The following KCNIP3 variants were observed in gnomAD, a reference collection of about 807,000 sequenced individuals.
KCNIP3 encodes the protein potassium voltage-gated channel interacting protein 3.
A neutral mutation model predicts 35.0 loss-of-function variants in KCNIP3; 28 were observed. The observed-to-expected ratio is 0.80, with a 90% CI of 0.59 to 1.10. The LOEUF is 1.10. Among genes scored for constraint, KCNIP3 ranks in the 50% least tolerant of loss-of-function variants. KCNIP3 has a pLI of 0.00. For synonymous variants in KCNIP3, 134 were observed against 133.8 expected (o/e 1.00, Z -0.01); for missense variants, 295 against 338.4 (o/e 0.87, Z 1.01).
At chr2:95,324,152 A>G (rs920408571) in intron 2 of KCNIP3, among the ~76,000 whole-genome samples, 8 of 152,254 alleles carry the variant, frequency 5.3e-5, no homozygotes, top group Non-Finnish European at 7.3e-5. Flanking sequence ...TCAGTGAACT[A>G]AACGGATTCC....
At chr2:95,325,871 A>G (rs1678750661) in intron 2 of KCNIP3, among the ~76,000 whole-genome samples, 1 of 151,078 alleles carries the variant, frequency 6.6e-6, no homozygotes, top group Admixed American at 6.6e-5. Flanking sequence ...AGGCACACAT[A>G]CACTCAGACA....
chr2:95,359,644 C>T (rs1679742329), intron 2 of KCNIP3, among the ~76,000 whole-genome samples: 1 of 152,256 alleles, frequency 6.6e-6, no homozygotes, highest in Admixed American at 6.5e-5. Context: ...GGCTCTCCCT[C>T]TGCAACAGGT....
chr2:95,383,189 C>T, intron 7 of KCNIP3, 43 bp from the exon 8 acceptor site: 1 of 1,437,156 alleles, frequency 7.0e-7, no homozygotes, highest in South Asian at 1.1e-5. Flanking sequence ...GGGGCTGTCT[C>T]TGCTGGGGCA....
chr2:95,330,948 AGAAG>A (rs1475490101), intron 2 of KCNIP3, among the ~76,000 whole-genome samples: 2 of 152,236 alleles, frequency 1.3e-5, no homozygotes, highest in African/African-American at 4.8e-5. Context: ...AGGACTGGGA[AGAAG>A]GGAGGGGTGC....
intron 2 of KCNIP3, among the ~76,000 whole-genome samples, chr2:95,362,162 A>C (rs1470810723): frequency 1.3e-5 from 2 of 150,300 alleles, no homozygotes; most frequent in African/African-American, 4.9e-5. Context: ...GCTGGAGCGC[A>C]GTGGTGTGAT....
intron 8 of KCNIP3, among the ~76,000 whole-genome samples, chr2:95,383,671 A>G (rs1252525112): frequency 6.6e-6 from 1 of 152,218 alleles, no homozygotes; most frequent in Non-Finnish European, 1.5e-5. Flanking sequence ...CTCAGGGGGC[A>G]GGATGCTGGG....
intron 2 of KCNIP3, among the ~76,000 whole-genome samples, chr2:95,317,100 GT>G (rs1188384602): frequency 1.3e-5 from 2 of 152,152 alleles, no homozygotes; most frequent in African/African-American, 4.8e-5. Context: ...GAGGTCAGAG[GT>G]CAAGAGACAG....
In KCNIP3 at chr2:95,374,280, C is replaced by A; in HGVS notation, c.182-16C>A. Reference sequence around the variant, plus strand: ...GGCTACAGGCCTTACACTCTCTGGTCTGTGTCCCACTCCAGATAGCAGCGA... The same window carrying A: ...GGCTACAGGCCTTACACTCTCTGGTATGTGTCCCACTCCAGATAGCAGCGA... On this transcript the variant is annotated splice_polypyrimidine_tract_variant and intron_variant, in intron 2 of 8. Coordinates refer to ENST00000295225, the MANE Select transcript of KCNIP3 (RefSeq NM_013434.5). 6.2e-7 allele frequency: 1 copy of A among 1,612,766 alleles called. No individual in the cohort carries two copies. The highest frequency in any genetic ancestry group is 1.1e-5 in the South Asian group (1 of 90,920).
intron 2 of KCNIP3, among the ~76,000 whole-genome samples, chr2:95,325,844 T>G (rs1464095173): frequency 3.6e-5 from 2 of 55,284 alleles, no homozygotes; most frequent in Non-Finnish European, 7.1e-5. Context: ...TACACACTCA[T>G]ACACACATAC....
Position 95,382,588 on chromosome 2 carries a change from T to G in KCNIP3, c.660+107T>G, listed in dbSNP as rs1680377740. 4 of 704,242 alleles carry G rather than the reference T, an allele frequency of 5.7e-6. No individual in the cohort carries two copies. The highest frequency in any genetic ancestry group is 9.3e-6 in the Non-Finnish European group (4 of 431,890). 43.6% of individuals were successfully genotyped at this position (704,242 alleles called of 1,614,324 possible). A position where few individuals can be genotyped will look rare whatever the true frequency, so the allele number is the denominator to read the frequency against. On this transcript the variant is annotated intron_variant, in intron 7 of 8. Transcript: ENST00000295225. The surrounding 1 kb of genome is among the most constrained non-coding windows in gnomAD (Gnocchi z 4.5). ...GGCTTGCCCCTCTGAGCCTCCCTAC[T>G]CCCCATGAGGAGGTTAAACTTGCCC...
At chr2:95,361,122 C>G (rs968719051) in intron 2 of KCNIP3, among the ~76,000 whole-genome samples, 2 of 152,166 alleles carry the variant, frequency 1.3e-5, no homozygotes, top group Non-Finnish European at 2.9e-5. Context: ...GAGCGCTGAT[C>G]AATAGTAAAA....
Position 95,362,611 on chromosome 2 carries a change from A to G in KCNIP3, c.182-11685A>G, listed in dbSNP as rs146820807. On this transcript the variant is annotated intron_variant, in intron 2 of 8. Coordinates refer to ENST00000295225, the MANE Select transcript of KCNIP3 (RefSeq NM_013434.5). ...CTGCATATGCACCCCTCGCATGCAC[A>G]GTTCACGGTAGGGTTTGCGCTCCTA... Among the ~76,000 whole-genome samples, 113 of 152,320 alleles carry G rather than the reference A, an allele frequency of 7.4e-4. 1 individual carries two copies. Among genetic ancestry groups the G allele is most frequent in the Admixed American group, 8.5e-4 (13 of 15,302 alleles).
chr2:95,364,621 T>A (rs1414986311), intron 2 of KCNIP3, among the ~76,000 whole-genome samples: 1 of 152,168 alleles, frequency 6.6e-6, no homozygotes, highest in Non-Finnish European at 1.5e-5. Flanking sequence ...CATGAGTTCA[T>A]GTGAAATCTG....
At chr2:95,383,876 G>T in intron 8 of KCNIP3, 126 bp from the exon 9 acceptor site, 1 of 823,590 alleles carries the variant, frequency 1.2e-6, no homozygotes, top group Non-Finnish European at 2.1e-6. Context: ...CCAGCTCCCT[G>T]CACCCAATAA....
At chr2:95,347,065 C>T in intron 2 of KCNIP3, 1 of 1,612,144 alleles carries the variant, frequency 6.2e-7, no homozygotes, top group Non-Finnish European at 8.5e-7. Flanking sequence ...CGTGGTGGTG[C>T]TGCTGTTCAT....
At chr2:95,307,519 C>A (rs755830561) in intron 1 of KCNIP3, among the ~76,000 whole-genome samples, 1 of 152,238 alleles carries the variant, frequency 6.6e-6, no homozygotes, top group East Asian at 1.9e-4. Context: ...AGGGGGTTGT[C>A]GTGACGAGAT....
chr2:95,357,418 T>C (rs1679681623), intron 2 of KCNIP3, among the ~76,000 whole-genome samples: 1 of 152,088 alleles, frequency 6.6e-6, no homozygotes, highest in Admixed American at 6.5e-5. Flanking sequence ...TGCCTGCCTC[T>C]TCCCCAAGCC....
In KCNIP3 at chr2:95,383,273, G is replaced by A. The variant is rs1558781385; in HGVS notation, c.702G>A (p.Glu234=). The A allele has an allele frequency of 1.2e-6, 2 of 1,613,844 alleles. No individual in the cohort carries two copies. The highest frequency in any genetic ancestry group is 1.7e-6 in the Non-Finnish European group (2 of 1,179,878). The change falls in exon 8 of 9, where the codon GAG becomes GAA. Residue 234 remains glutamate, a synonymous_variant. Transcript: ENST00000295225. ...RNQDGVVTIE[E]FLEACQKDEN... Reference sequence around the variant, plus strand: ...AGGATGGGGTAGTGACCATTGAAGAGTTCCTGGAGGCCTGTCAGAAGGTAG... The same window carrying A: ...AGGATGGGGTAGTGACCATTGAAGAATTCCTGGAGGCCTGTCAGAAGGTAG...
chr2:95,360,102 G>T (rs1326128651), intron 2 of KCNIP3, among the ~76,000 whole-genome samples: 1 of 150,420 alleles, frequency 6.6e-6, no homozygotes, highest in Non-Finnish European at 1.5e-5. Context: ...ATTTTGCTTA[G>T]AAATTTCTTC....
Sources: allele counts gnomAD v4.1 joint callset (sites outside exome capture counted in the v4.1 genomes callset), GRCh38; gene constraint gnomAD v4.1.1; non-coding constraint Gnocchi (gnomAD v3.1); transcripts MANE v1.5; gene names NCBI Gene and HGNC (gene_info 2026-07-23, HGNC 2026-07-21).